Variants in MLLT3 observed in about 807,000 individuals in gnomAD.
MLLT3 encodes the protein protein AF-9.
Under a neutral mutation model 53.2 loss-of-function variants are expected in MLLT3, and 4 were observed. The ratio of observed to expected loss-of-function variants is 0.08; its 90% CI spans 0.04 to 0.17. MLLT3 has a LOEUF of 0.17. Among genes scored for constraint, MLLT3 ranks in the 10% least tolerant of loss-of-function variants. The pLI, the probability that MLLT3 is intolerant of heterozygous loss-of-function variation, is 1.00. For missense variants in MLLT3, 569 were observed against 684.0 expected, an observed-to-expected ratio of 0.83 and a Z score of 1.87; for synonymous variants, 283 against 230.6, an observed-to-expected ratio of 1.23 and a Z score of -2.06.
intron 2 of MLLT3, among the ~76,000 whole-genome samples, chr9:20,557,428 G>T (rs1819089580): frequency 1.3e-5 from 2 of 152,128 alleles, no homozygotes; most frequent in African/African-American, 4.8e-5. Context: ...GTTGTAAACT[G>T]AATGAATTAA....
chr9:20,492,438 A>G (rs1228416394), intron 2 of MLLT3, among the ~76,000 whole-genome samples: 2 of 151,962 alleles, frequency 1.3e-5, no homozygotes, highest in African/African-American at 2.4e-5. Context: ...TTTATACTTT[A>G]CATGCATTTA....
intron 2 of MLLT3, among the ~76,000 whole-genome samples, chr9:20,498,105 C>A (rs1294060736): frequency 6.6e-6 from 1 of 151,678 alleles, no homozygotes; most frequent in Non-Finnish European, 1.5e-5. Context: ...CACCTGTAGT[C>A]CCAGCAACTC....
intron 10 of MLLT3, among the ~76,000 whole-genome samples, chr9:20,351,036 A>G (rs2118598312): frequency 6.6e-6 from 1 of 152,310 alleles, no homozygotes; most frequent in East Asian, 1.9e-4. Context: ...AAGCACGGAC[A>G]ACCACCACAT....
Position 20,509,507 on chromosome 9 carries a change from T to C in MLLT3, c.194-52721A>G, listed in dbSNP as rs1477253374. ...GTAAGAGGTGGCCCTTTTGAATTTG[T>C]TGAAGATGTGTTTCTCTTCTACCTT... On this transcript the variant is annotated intron_variant, in intron 2 of 10. Coordinates refer to ENST00000380338, the MANE Select transcript of MLLT3 (RefSeq NM_004529.4). 3.9e-5 allele frequency among the ~76,000 whole-genome samples: 6 copies of C among 152,216 alleles called. 1 individual carries two copies. Among genetic ancestry groups the C allele is most frequent in the African/African-American group, 1.4e-4 (6 of 41,446 alleles).
intron 2 of MLLT3, among the ~76,000 whole-genome samples, chr9:20,587,664 C>T (rs1301916960): frequency 1.3e-5 from 2 of 152,212 alleles, no homozygotes; most frequent in East Asian, 1.9e-4. Context: ...TGTTCATGTC[C>T]TTTGCCCACT....
intron 2 of MLLT3, among the ~76,000 whole-genome samples, chr9:20,506,927 C>A (rs1825396005): frequency 6.6e-6 from 1 of 152,194 alleles, no homozygotes; most frequent in Non-Finnish European, 1.5e-5. Context: ...TAATCACTTG[C>A]TATTTAAGTA....
intron 2 of MLLT3, among the ~76,000 whole-genome samples, chr9:20,543,931 T>C (rs1818712956): frequency 6.9e-6 from 1 of 144,138 alleles, no homozygotes; most frequent in Admixed American, 7.1e-5. Flanking sequence ...CAAAGCGTAA[T>C]AAAGTGAAGC....
At chr9:20,453,880 G>A (rs1303934435) in intron 3 of MLLT3, among the ~76,000 whole-genome samples, 1 of 152,106 alleles carries the variant, frequency 6.6e-6, no homozygotes, top group Non-Finnish European at 1.5e-5. Flanking sequence ...CCAATTAGGT[G>A]TATCCTACTT....
At chr9:20,456,150 G>T (rs1351114704) in intron 3 of MLLT3, among the ~76,000 whole-genome samples, 1 of 151,938 alleles carries the variant, frequency 6.6e-6, no homozygotes, top group East Asian at 1.9e-4. Context: ...TGTTGGCCAG[G>T]CTGGTCTCGA....
rs1172981121 is a variant in MLLT3, at chr9:20,528,265, T to A, written c.194-71479A>T. Among the ~76,000 whole-genome samples the A allele has an allele frequency of 3.3e-5, 5 of 152,260 alleles. No individual in the cohort carries two copies. In the East Asian group the frequency reaches 9.6e-4, roughly 29 times the overall value. On this transcript the variant is annotated intron_variant, in intron 2 of 10. Transcript: ENST00000380338. ...CCATGTGTGTGTTCACACAAATACA[T>A]AAAGCCATTCTCTGATTTCAACTTA... is the stretch of plus-strand genomic sequence containing the variant.
At chr9:20,521,728 G>A (rs914804694) in intron 2 of MLLT3, among the ~76,000 whole-genome samples, 1 of 152,100 alleles carries the variant, frequency 6.6e-6, no homozygotes, top group African/African-American at 2.4e-5. Flanking sequence ...AGTGCTTTCT[G>A]TTCTTTAAAT....
chr9:20,363,435 G>A (rs759238163), intron 7 of MLLT3, 41 bp downstream of exon 7: 9 of 1,609,346 alleles, frequency 5.6e-6, no homozygotes, highest in African/African-American at 1.3e-5. Flanking sequence ...GAAAGAGTCT[G>A]ACTTCATCAC....
At chr9:20,482,031 A>G (rs903166195) in intron 2 of MLLT3, among the ~76,000 whole-genome samples, 11 of 152,240 alleles carry the variant, frequency 7.2e-5, no homozygotes, top group Admixed American at 3.3e-4. Flanking sequence ...CTGTCTAGTT[A>G]TAGAGACAAG....
At chr9:20,431,017 T>C (rs1309576893) in intron 4 of MLLT3, among the ~76,000 whole-genome samples, 7 of 152,070 alleles carry the variant, frequency 4.6e-5, no homozygotes, top group Non-Finnish European at 1.0e-4. Context: ...AAGAGAATAA[T>C]GATACAACTT....
intron 9 of MLLT3, among the ~76,000 whole-genome samples, chr9:20,353,984 G>A (rs1021622010): frequency 6.6e-6 from 1 of 152,086 alleles, no homozygotes; most frequent in Admixed American, 6.5e-5. Context: ...ATCTCAGAAG[G>A]TTTCTAAGAG....
chr9:20,618,523 C>T (rs755778310), intron 2 of MLLT3, among the ~76,000 whole-genome samples: 10 of 152,062 alleles, frequency 6.6e-5, no homozygotes, highest in South Asian at 2.1e-4. Flanking sequence ...ATGGGAAGCA[C>T]GCATACAAAT....
At chr9:20,528,237 T>C (rs1474841339) in intron 2 of MLLT3, among the ~76,000 whole-genome samples, 5 of 152,260 alleles carry the variant, frequency 3.3e-5, no homozygotes, top group Non-Finnish European at 7.3e-5. Context: ...TGTATAAATA[T>C]ATCCATGTGT....
chr9:20,568,972 G>C (rs565093825), intron 2 of MLLT3, among the ~76,000 whole-genome samples: 2 of 152,146 alleles, frequency 1.3e-5, no homozygotes, highest in South Asian at 2.1e-4. Context: ...AAAAATAGGA[G>C]AGAAAATTCC....
intron 5 of MLLT3, among the ~76,000 whole-genome samples, chr9:20,386,597 C>A (rs770850745): frequency 6.6e-6 from 1 of 152,172 alleles, no homozygotes; most frequent in Non-Finnish European, 1.5e-5. Context: ...ACAGTCATCA[C>A]TGGAAGTGAC....
Sources: allele counts gnomAD v4.1 joint callset (sites outside exome capture counted in the v4.1 genomes callset), GRCh38; gene constraint gnomAD v4.1.1; transcripts MANE v1.5; gene names NCBI Gene and HGNC (gene_info 2026-07-23, HGNC 2026-07-21).